The following DLG2 variants were observed in gnomAD, a reference collection of about 807,000 sequenced individuals.
The protein encoded by DLG2 is disks large homolog 2.
In DLG2, 45 loss-of-function variants were observed where a neutral mutation model predicts 132.5. The observed-to-expected ratio is 0.34, with a 90% CI of 0.27 to 0.44. The LOEUF (loss-of-function observed/expected upper bound fraction) is 0.44. Among genes scored for constraint, DLG2 ranks in the 20% least tolerant of loss-of-function variants. The pLI is 1.00. For synonymous variants in DLG2, 424 were observed against 419.6 expected (o/e 1.01, Z -0.13); for missense variants, 1,045 against 1,196.9 (o/e 0.87, Z 1.87).
intron 3 of DLG2, among the ~76,000 whole-genome samples, chr11:85,430,467 G>C (rs1297857880): frequency 1.3e-5 from 2 of 151,808 alleles, no homozygotes; most frequent in African/African-American, 2.4e-5. Context: ...AGCAGTCTAG[G>C]TACAAAAATC....
chr11:85,464,003 C>CACACACACACACACACACAT (rs1186476406), intron 3 of DLG2, among the ~76,000 whole-genome samples: 1 of 139,090 alleles, frequency 7.2e-6, no homozygotes, highest in Non-Finnish European at 1.5e-5. Context: ...CACACACACA[C>CACACACACACACACACACAT]ATACACACAC....
chr11:85,438,099 A>C (rs1321750183), intron 3 of DLG2, among the ~76,000 whole-genome samples: 1 of 152,186 alleles, frequency 6.6e-6, no homozygotes, highest in Non-Finnish European at 1.5e-5. Context: ...GAGGCACTAC[A>C]TACTGAGAGA....
chr11:84,577,772 C>T (rs964846039), intron 6 of DLG2, among the ~76,000 whole-genome samples: 1 of 152,134 alleles, frequency 6.6e-6, no homozygotes, highest in African/African-American at 2.4e-5. Context: ...CAGAAATTTG[C>T]ATAACTATGC....
chr11:83,584,221 A>G (rs1028403308), intron 19 of DLG2, among the ~76,000 whole-genome samples: 1 of 152,208 alleles, frequency 6.6e-6, no homozygotes, highest in African/African-American at 2.4e-5. Context: ...GGAAGACACT[A>G]TCTTACTCAT....
chr11:84,454,778 G>A (rs978643196), intron 7 of DLG2, among the ~76,000 whole-genome samples: 7 of 151,442 alleles, frequency 4.6e-5, no homozygotes, highest in Non-Finnish European at 1.0e-4. Context: ...AGTACTGGAA[G>A]ATGCAAACAA....
chr11:84,732,842 C>G (rs1041182067), intron 6 of DLG2, among the ~76,000 whole-genome samples: 15 of 150,838 alleles, frequency 9.9e-5, no homozygotes, highest in African/African-American at 3.7e-4. Context: ...TTCCTGTGTC[C>G]AAGTGTTCTC....
intron 7 of DLG2, among the ~76,000 whole-genome samples, chr11:84,326,603 C>A (rs2098434400): frequency 6.6e-6 from 1 of 152,156 alleles, no homozygotes; most frequent in African/African-American, 2.4e-5. Flanking sequence ...ATGATTCCAT[C>A]TTCTTAAATT....
intron 4 of DLG2, among the ~76,000 whole-genome samples, chr11:85,259,521 G>A (rs938965601): frequency 6.6e-6 from 1 of 151,906 alleles, no homozygotes; most frequent in Admixed American, 6.6e-5. Flanking sequence ...CAATCCAGCT[G>A]ACCCTCCCAA....
rs57100261 is a variant in DLG2, at chr11:84,190,260, A to G, written c.574-26749T>C. ...CAGATAAGTGGCTCAGCATACATAA[A>G]GACAGAAAGAAAAAGATATAAGCAT... On this transcript the variant is annotated intron_variant, in intron 8 of 27. Transcript: ENST00000376104. Among the ~76,000 whole-genome samples the G allele has an allele frequency of 1.7e-3, 260 of 152,318 alleles. 7 individuals are homozygous for G. In the East Asian group the frequency reaches 0.037, roughly 22 times the overall value.
At chr11:84,360,166 T>C (rs1199479496) in intron 7 of DLG2, among the ~76,000 whole-genome samples, 1 of 151,812 alleles carries the variant, frequency 6.6e-6, no homozygotes, top group Non-Finnish European at 1.5e-5. Flanking sequence ...TAGGAAAATA[T>C]GAGAAGATGA....
At chr11:85,117,792 A>G (rs1006841735) in intron 5 of DLG2, among the ~76,000 whole-genome samples, 16 of 151,950 alleles carry the variant, frequency 1.1e-4, no homozygotes, top group African/African-American at 3.6e-4. Context: ...AATATTTGGG[A>G]CTGAGCAATT....
intron 17 of DLG2, among the ~76,000 whole-genome samples, chr11:83,813,935 G>A (rs1451924258): frequency 1.3e-5 from 2 of 152,120 alleles, no homozygotes; most frequent in South Asian, 2.1e-4. Flanking sequence ...GAGGCACAGA[G>A]AAGTTAAATA....
chr11:83,568,123 T>C (rs1390493653), intron 19 of DLG2, among the ~76,000 whole-genome samples: 2 of 152,048 alleles, frequency 1.3e-5, no homozygotes, highest in Non-Finnish European at 2.9e-5. Context: ...AGAAAAACTA[T>C]TAGGATGCTG....
At position 83,833,755 on chromosome 11, in the gene DLG2, T is replaced by C. The variant is rs201504724; in HGVS notation, c.1581A>G (p.Val527=). 4.2e-5 allele frequency: 67 copies of C among 1,613,710 alleles called. No individual in the cohort carries two copies. Among genetic ancestry groups the C allele is most frequent in the Non-Finnish European group, 5.4e-5 (64 of 1,179,862 alleles). The change falls in exon 17 of 28, where the codon GTA becomes GTG. Residue 527 remains valine (V), a synonymous_variant. Coordinates refer to ENST00000376104, the MANE Select transcript of DLG2 (RefSeq NM_001142699.3). ...AVSLEGEPRK[V]VLHKGSTGLG... The stretch of plus-strand genomic sequence containing the variant: ...GGCCAGTGGAGCCTTTGTGCAGGAC[T>C]ACCTTGCGAGGCTCTCTGCAGAAAG...
At chr11:83,961,967 T>C (rs1252542809) in intron 14 of DLG2, among the ~76,000 whole-genome samples, 1 of 151,978 alleles carries the variant, frequency 6.6e-6, no homozygotes, top group African/African-American at 2.4e-5. Flanking sequence ...AAATGGAAAA[T>C]GCTTAATCAT....
At chr11:83,744,638 A>C (rs1448788923) in intron 18 of DLG2, among the ~76,000 whole-genome samples, 1 of 152,180 alleles carries the variant, frequency 6.6e-6, no homozygotes, top group African/African-American at 2.4e-5. Flanking sequence ...CTGCTTTCAG[A>C]ATTCTGGAAA....
chr11:84,638,039 G>A (rs1400151663), intron 6 of DLG2, among the ~76,000 whole-genome samples: 3 of 152,192 alleles, frequency 2.0e-5, no homozygotes, highest in Non-Finnish European at 4.4e-5. Flanking sequence ...GAATGAAAAC[G>A]TGTTTGCTTG....
At chr11:83,930,879 A>G (rs571581430) in intron 14 of DLG2, among the ~76,000 whole-genome samples, 1 of 152,206 alleles carries the variant, frequency 6.6e-6, no homozygotes, top group Non-Finnish European at 1.5e-5. Context: ...CCATGAAGCA[A>G]ACTTGAGGAT....
chr11:84,972,367 G>C (rs531125759), intron 6 of DLG2, among the ~76,000 whole-genome samples: 2 of 152,282 alleles, frequency 1.3e-5, no homozygotes, highest in East Asian at 1.9e-4. Flanking sequence ...TTAAGTTAGA[G>C]ATCAAGCAGT....
Sources: allele counts gnomAD v4.1 joint callset (sites outside exome capture counted in the v4.1 genomes callset), GRCh38; gene constraint gnomAD v4.1.1; transcripts MANE v1.5; gene names NCBI Gene and HGNC (gene_info 2026-07-23, HGNC 2026-07-21).